The following DNM1 variants were observed in gnomAD, a reference collection of about 807,000 sequenced individuals.
DNM1 encodes dynamin-1.
Under a neutral mutation model 104.6 loss-of-function variants are expected in DNM1, and 29 were observed. The observed-to-expected ratio is 0.28, with a 90% CI of 0.21 to 0.38. The LOEUF (loss-of-function observed/expected upper bound fraction) is 0.38. Among genes scored for constraint, DNM1 ranks in the 10% least tolerant of loss-of-function variants. DNM1 has a pLI of 1.00. For synonymous variants in DNM1, 445 were observed against 475.8 expected (o/e 0.94, Z 0.84); for missense variants, 640 against 1,189.4 (o/e 0.54, Z 6.79).
rs907302584 is a variant in DNM1 at position 128,243,003 on chromosome 9, C to T, written c.1671+658C>T. 6.6e-6 allele frequency among the ~76,000 whole-genome samples: 1 copy of T among 152,140 alleles called. No individual in the cohort carries two copies. Among genetic ancestry groups the T allele is most frequent in the African/African-American group, 2.4e-5 (1 of 41,424 alleles). The stretch of plus-strand genomic sequence containing the variant: ...GGGCGTGCCGCCTCCTCTGTGGCCC[C>T]CACAGGCCCATGACACACACAAGTC... On this transcript the variant is annotated intron_variant, in intron 15 of 21. Transcript: ENST00000372923. The surrounding 1 kb of genome is among the most constrained non-coding windows in gnomAD (Gnocchi z 4.0).
In DNM1 at chr9:128,239,718, C is replaced by T. The variant is rs772807242; in HGVS notation, c.1494-10C>T. 5 of 1,612,526 alleles carry T rather than the reference C, an allele frequency of 3.1e-6. No homozygotes were observed. Among genetic ancestry groups the T allele is most frequent in the Non-Finnish European group, 3.4e-6 (4 of 1,179,266 alleles). On this transcript the variant is annotated splice_polypyrimidine_tract_variant and intron_variant, in intron 12 of 21. Transcript: ENST00000372923. ...AGAAGTTCTGAGACTCCTCCCCTCC[C>T]TCCCATTAGTGCTCAGCAGAGGAGC...
At position 128,247,627 on chromosome 9, in the gene DNM1, C is replaced by CTGGGGG. The variant is rs1299325312; in HGVS notation, c.1893+146_1893+151dup. ...ATAGGAATCCTCCCCCCTACCCACT[C>CTGGGGG]TGGGGGTGGGAACAGAGATAAGTCT... On this transcript the variant is annotated intron_variant, in intron 17 of 21. Coordinates refer to ENST00000372923, the MANE Select transcript of DNM1 (RefSeq NM_004408.4). This position sits in a 1 kb window ranked among gnomAD's most constrained non-coding sequence, Gnocchi z 5.1. The CTGGGGG allele has an allele frequency of 1.3e-6, 1 of 754,080 alleles. No homozygotes were observed. Among genetic ancestry groups the CTGGGGG allele is most frequent in the East Asian group, 2.7e-5 (1 of 36,672 alleles). The allele number at this position is 754,080 out of a possible 1,614,324, so 46.7% of individuals were successfully genotyped here.
chr9:128,208,368 G>A (rs1472260842), intron 1 of DNM1, among the ~76,000 whole-genome samples: 1 of 152,108 alleles, frequency 6.6e-6, no homozygotes, highest in Admixed American at 6.6e-5. Flanking sequence ...TCTCTGCTCT[G>A]CATTCTATCC....
chr9:128,239,953 C>T (rs770768443), intron 13 of DNM1, 32 bp from the exon 14 acceptor site: 4 of 1,613,942 alleles, frequency 2.5e-6, no homozygotes, highest in Non-Finnish European at 3.4e-6. Flanking sequence ...TCCCCGATGC[C>T]TCTCGTGGTT....
Position 128,247,909 on chromosome 9 carries a change from G to T in DNM1, c.1894-15G>T, listed in dbSNP as rs1239986650. The T allele has an allele frequency of 6.2e-6, 10 of 1,613,614 alleles. No homozygotes were observed. ...TGGTGGCGGCGGTGGCAATGTTGGTGTGTGGGCCTCCCAGGACAAAGAGAA... is the reference window on the plus strand; with the variant it reads ...TGGTGGCGGCGGTGGCAATGTTGGTTTGTGGGCCTCCCAGGACAAAGAGAA... On this transcript the variant is annotated splice_polypyrimidine_tract_variant and intron_variant, in intron 17 of 21. Transcript: ENST00000372923. This position sits in a 1 kb window ranked among gnomAD's most constrained non-coding sequence, Gnocchi z 5.1.
Position 128,245,136 on chromosome 9 carries a change from G to A in DNM1, c.1672-1258G>A, listed in dbSNP as rs1054537724. 6.0e-5 allele frequency: 13 copies of A among 216,466 alleles called. No individual in the cohort carries two copies. The highest frequency in any genetic ancestry group is 8.7e-5 in the Non-Finnish European group (9 of 103,162). The allele number at this position is 216,466 out of a possible 1,614,324, so 13.4% of individuals were successfully genotyped here. A position where few individuals can be genotyped will look rare whatever the true frequency, so the allele number is the denominator to read the frequency against. ...GGCGGGTGGTGGCGGGGCCTCTCTC[G>A]AACGGTTCCAGATGTTCCCTGGCCG... is the stretch of plus-strand genomic sequence containing the variant. On this transcript the variant is annotated intron_variant, in intron 15 of 21. Transcript: ENST00000372923. The surrounding 1 kb of genome is among the most constrained non-coding windows in gnomAD (Gnocchi z 5.2).
rs904357870 is a variant in DNM1 at position 128,243,621 on chromosome 9, G to T, written c.1671+1276G>T. ...TGGAGTGTGCAGTGGCATGGGGTGC[G>T]GGTGGGGGGTGGCTTCCTGCCGGTC... On this transcript the variant is annotated intron_variant, in intron 15 of 21. Transcript: ENST00000372923. The surrounding 1 kb of genome is among the most constrained non-coding windows in gnomAD (Gnocchi z 4.0). 1.3e-5 allele frequency among the ~76,000 whole-genome samples: 2 copies of T among 152,198 alleles called. No individual in the cohort carries two copies. The highest frequency in any genetic ancestry group is 2.4e-5 in the African/African-American group (1 of 41,464).
Position 128,203,500 on chromosome 9 carries a change from C to T in DNM1, c.30C>T (p.Ile10=). 6.5e-7 allele frequency: 1 copy of T among 1,533,494 alleles called. No homozygotes were observed. Among genetic ancestry groups the T allele is most frequent in the Non-Finnish European group, 8.7e-7 (1 of 1,143,452 alleles). The allele number at this position is 1,533,494 out of a possible 1,614,324, so 95.0% of individuals were successfully genotyped here. A position where few individuals can be genotyped will look rare whatever the true frequency, so the allele number is the denominator to read the frequency against. The part of the protein sequence containing the change: MGNRGMEDL[I]PLVNRLQDAF... ...GCAACCGCGGCATGGAAGATCTCATCCCGCTGGTCAACCGGCTGCAAGACG... is the reference window on the plus strand; with the variant it reads ...GCAACCGCGGCATGGAAGATCTCATTCCGCTGGTCAACCGGCTGCAAGACG... The change falls in exon 1 of 22, where the codon ATC becomes ATT. Residue 10 remains isoleucine, a synonymous_variant. Coordinates refer to ENST00000372923, the MANE Select transcript of DNM1 (RefSeq NM_004408.4). This position sits in a 1 kb window ranked among gnomAD's most constrained non-coding sequence, Gnocchi z 5.3.
rs1345647120 is a variant in DNM1, at chr9:128,213,441, TC to T, written c.162-4789del. 6.7e-5 allele frequency among the ~76,000 whole-genome samples: 10 copies of T among 150,092 alleles called. No homozygotes were observed. The South Asian group carries it at 2.1e-3, about 32-fold the overall frequency. ...TTTTAAAAATTAGAGGCAAAAGAGA[TC>T]TATTTCCCTTTTGAAAATACAAAGT... On this transcript the variant is annotated intron_variant, in intron 1 of 21. Transcript: ENST00000372923.
intron 1 of DNM1, among the ~76,000 whole-genome samples, chr9:128,207,204 G>A (rs1371238721): frequency 6.6e-6 from 1 of 152,078 alleles, no homozygotes. Context: ...AACATATTGA[G>A]CCTGAGATGC....
chr9:128,231,582 A>G (rs1238427912), intron 10 of DNM1, among the ~76,000 whole-genome samples: 1 of 151,908 alleles, frequency 6.6e-6, no homozygotes, highest in South Asian at 2.1e-4. Flanking sequence ...ATCTTTGTGT[A>G]TATATTTTTT....
At chr9:128,244,718 G>A (rs759856282) in intron 15 of DNM1, 3 of 530,758 alleles carry the variant, frequency 5.7e-6, no homozygotes, top group Admixed American at 3.9e-5. Context: ...AGTGGCGGCG[G>A]TGCCGAGGGT....
intron 1 of DNM1, among the ~76,000 whole-genome samples, chr9:128,206,245 C>G (rs577635208): frequency 6.6e-6 from 1 of 152,128 alleles, no homozygotes; most frequent in African/African-American, 2.4e-5. Flanking sequence ...CCAGGCCCAC[C>G]CGGGCTTCTG....
In DNM1 at chr9:128,234,085, G is replaced by T. The variant is rs1372243765; in HGVS notation, c.1400G>T (p.Arg467Leu). 6.4e-7 allele frequency: 1 copy of T among 1,569,734 alleles called. No individual in the cohort carries two copies. The highest frequency in any genetic ancestry group is 8.6e-7 in the Non-Finnish European group (1 of 1,158,218). The change falls in exon 11 of 22, where the codon CGC (arginine) becomes CTC (leucine). Residue 467 changes from arginine (R) to leucine (L), a missense_variant. By Grantham distance (102) the Arg-to-Leu change is moderately radical. Coordinates refer to ENST00000372923, the MANE Select transcript of DNM1 (RefSeq NM_004408.4). ...ERIVTTHIRE[R>L]EGRTKEQVML... ...ATCGTGACCACCCACATCCGGGAGC[G>T]CGAGGGCCGCACTAAGGAGCAGGTG...
Position 128,222,374 on chromosome 9 carries a change from G to A in DNM1, c.992+35G>A, listed in dbSNP as rs375606829. ...CCCCAGCTCCTATCACTGAATCCCC[G>A]CCCCCAGCCTCTCAGCGTGGGGCTC... On this transcript the variant is annotated intron_variant, in intron 7 of 21. Coordinates refer to ENST00000372923, the MANE Select transcript of DNM1 (RefSeq NM_004408.4). The surrounding 1 kb of genome is among the most constrained non-coding windows in gnomAD (Gnocchi z 7.8). 2.2e-5 allele frequency: 36 copies of A among 1,607,794 alleles called. No individual in the cohort carries two copies. Among genetic ancestry groups the A allele is most frequent in the South Asian group, 1.4e-4 (13 of 90,584 alleles).
intron 21 of DNM1, chr9:128,251,147 G>A: frequency 1.5e-6 from 1 of 677,912 alleles, no homozygotes; most frequent in Non-Finnish European, 2.7e-6. Context: ...CCCGGAGGTG[G>A]TCGTTTCTGG....
rs34036148 is a variant in DNM1 at position 128,239,567 on chromosome 9, CGTGTGTGTGTGTGTGTGTGT to C, written c.1493+83_1493+102del. On this transcript the variant is annotated intron_variant, in intron 12 of 21. Coordinates refer to ENST00000372923, the MANE Select transcript of DNM1 (RefSeq NM_004408.4). ...AGTGCTCCCTGGGCAGAGAAGGTAA[CGTGTGTGTGTGTGTGTGTGT>C]GTGTGTGTGTGTGTGTGTGTGTGTG... 5.4e-4 allele frequency: 479 copies of C among 882,462 alleles called. No individual in the cohort carries two copies. In the East Asian group the frequency reaches 7.9e-3, roughly 15 times the overall value. The allele number at this position is 882,462 out of a possible 1,614,324, so 54.7% of individuals were successfully genotyped here. A position where few individuals can be genotyped will look rare whatever the true frequency, so the allele number is the denominator to read the frequency against.
Position 128,222,981 on chromosome 9 carries a change from T to C in DNM1, c.1196+121T>C, listed in dbSNP as rs1835110156. On this transcript the variant is annotated intron_variant, in intron 9 of 21. Transcript: ENST00000372923. This position sits in a 1 kb window ranked among gnomAD's most constrained non-coding sequence, Gnocchi z 7.8. ...GACTGAAAGCTCTGTTCCCCAGTCC[T>C]CTCGACCCCAACTTTCTGGCTCCCT... 2.0e-6 allele frequency: 2 copies of C among 988,186 alleles called. No individual in the cohort carries two copies. Among genetic ancestry groups the C allele is most frequent in the Admixed American group, 4.3e-5 (2 of 46,218 alleles). The allele number at this position is 988,186 out of a possible 1,614,324, so 61.2% of individuals were successfully genotyped here. A position where few individuals can be genotyped will look rare whatever the true frequency, so the allele number is the denominator to read the frequency against.
rs1225610175 is a variant in DNM1 at position 128,222,275 on chromosome 9, G to C, written c.928G>C (p.Glu310Gln). 1 of 1,614,224 alleles carries C rather than the reference G, an allele frequency of 6.2e-7. No homozygotes were observed. The highest frequency in any genetic ancestry group is 2.2e-5 in the East Asian group (1 of 44,892). The change falls in exon 7 of 22, where the codon GAG (glutamate) becomes CAG (glutamine). Residue 310 changes from glutamate to glutamine, a missense_variant. Transcript: ENST00000372923. The surrounding 1 kb of genome is among the most constrained non-coding windows in gnomAD (Gnocchi z 7.8). ...GAGCCAGCTACTGTCCATTGAGAAG[G>C]AGGTGGAGGAATACAAGAACTTCCG... is the stretch of plus-strand genomic sequence containing the variant. ...LQSQLLSIEK[E>Q]VEEYKNFRPD...
Sources: allele counts gnomAD v4.1 joint callset (sites outside exome capture counted in the v4.1 genomes callset), GRCh38; gene constraint gnomAD v4.1.1; non-coding constraint Gnocchi (gnomAD v3.1); transcripts MANE v1.5; gene names NCBI Gene and HGNC (gene_info 2026-07-23, HGNC 2026-07-21).